The following CHD8 variants were observed in gnomAD, a reference collection of about 807,000 sequenced individuals.
CHD8 encodes ATP-dependent chromatin remodeler CHD8.
In CHD8, 31 loss-of-function variants were observed where a neutral mutation model predicts 279.2. The observed-to-expected ratio is 0.11, with a 90% CI of 0.08 to 0.15. The LOEUF (loss-of-function observed/expected upper bound fraction) is 0.15. Ranked by LOEUF, CHD8 falls within the 10% of genes least tolerant of loss-of-function variation. CHD8 has a pLI of 1.00. For synonymous variants in CHD8, 1,081 were observed against 1,139.6 expected (o/e 0.95, Z 1.04); for missense variants, 2,146 against 3,230.5 (o/e 0.66, Z 8.14).
intron 1 of CHD8, among the ~76,000 whole-genome samples, chr14:21,440,283 T>C (rs1274365988): frequency 2.0e-5 from 3 of 152,166 alleles, no homozygotes; most frequent in East Asian, 1.9e-4. Context: ...CTCGGCTCAC[T>C]GCAACCTCTG....
In CHD8 at chr14:21,405,886, G is replaced by T. The variant is rs1566425850; in HGVS notation, c.2908-22C>A. 1.3e-6 allele frequency: 2 copies of T among 1,591,722 alleles called. No individual in the cohort carries two copies. Among genetic ancestry groups the T allele is most frequent in the Non-Finnish European group, 1.7e-6 (2 of 1,170,666 alleles). ...GTTCCTAGAAATGGAGGAAACAAAA[G>T]AATAAAATTTAAAAACATGAAGGAC... On this transcript the variant is annotated intron_variant, in intron 14 of 37. Coordinates refer to ENST00000646647, the MANE Select transcript of CHD8 (RefSeq NM_001170629.2). This position sits in a 1 kb window ranked among gnomAD's most constrained non-coding sequence, Gnocchi z 4.2.
At chr14:21,393,422 G>A (rs1166456666) in intron 32 of CHD8, 54 bp downstream of exon 32, 5 of 1,503,540 alleles carry the variant, frequency 3.3e-6, no homozygotes, top group African/African-American at 2.8e-5. Flanking sequence ...AAAAGGGAAA[G>A]AGAAGAGAGG....
At chr14:21,410,244 T>G (rs867875153) in intron 10 of CHD8, among the ~76,000 whole-genome samples, 2 of 152,062 alleles carry the variant, frequency 1.3e-5, no homozygotes, top group South Asian at 4.2e-4. Flanking sequence ...CACTAAGCAC[T>G]AAAACATGCT....
At chr14:21,452,836 T>TACATTCCCTAAAAGGTTTC (rs1280980904) in intron 1 of CHD8, among the ~76,000 whole-genome samples, 1 of 150,968 alleles carries the variant, frequency 6.6e-6, no homozygotes, top group South Asian at 2.1e-4. Flanking sequence ...ATACAAAAAT[T>TACATTCCCTAAAAGGTTTC]AGCCGGGCAT....
chr14:21,416,661 C>T (rs1204098815), intron 5 of CHD8: 1 of 151,780 alleles, frequency 6.6e-6, no homozygotes, highest in Non-Finnish European at 1.5e-5. Flanking sequence ...CTCTGGAAAA[C>T]CTCAAAGGAT....
intron 4 of CHD8, chr14:21,426,835 T>C (rs1031337677): frequency 6.6e-6 from 1 of 152,360 alleles, no homozygotes; most frequent in African/African-American, 2.4e-5. Flanking sequence ...CACTTTTCTG[T>C]CAACACTGCT....
At position 21,408,682 on chromosome 14, in the gene CHD8, T is replaced by TA; in HGVS notation, c.2486+21dup. 6.2e-7 allele frequency: 1 copy of TA among 1,605,520 alleles called. No individual in the cohort carries two copies. The highest frequency in any genetic ancestry group is 8.5e-7 in the Non-Finnish European group (1 of 1,176,036). On this transcript the variant is annotated intron_variant, in intron 12 of 37. Coordinates refer to ENST00000646647, the MANE Select transcript of CHD8 (RefSeq NM_001170629.2). This position sits in a 1 kb window ranked among gnomAD's most constrained non-coding sequence, Gnocchi z 4.3. ...TAATCCCAGAACTAAGCTTACATCT[T>TA]ATGGCCCATTCTTTCCTTTACCTGT...
chr14:21,451,902 A>G (rs1890265788), intron 1 of CHD8, among the ~76,000 whole-genome samples: 1 of 152,242 alleles, frequency 6.6e-6, no homozygotes, highest in Non-Finnish European at 1.5e-5. Flanking sequence ...TAAAACATTA[A>G]GTAACTACAA....
At chr14:21,429,383 A>G (rs1454900715) in intron 2 of CHD8, 48 bp from the exon 3 acceptor site, 1 of 1,571,942 alleles carries the variant, frequency 6.4e-7, no homozygotes, top group South Asian at 1.1e-5. Flanking sequence ...AAAGAATGGT[A>G]TACTCTGAAA....
At chr14:21,395,146 G>A in intron 29 of CHD8, 27 bp from the exon 30 acceptor site, 2 of 1,604,222 alleles carry the variant, frequency 1.2e-6, no homozygotes, top group Non-Finnish European at 1.7e-6. Flanking sequence ...AGAATGAATA[G>A]GAAGTATAGC....
intron 1 of CHD8, among the ~76,000 whole-genome samples, chr14:21,441,661 G>A (rs1889967614): frequency 6.6e-6 from 1 of 151,786 alleles, no homozygotes; most frequent in Non-Finnish European, 1.5e-5. Flanking sequence ...GGCCAAGGCG[G>A]GCATATCACG....
chr14:21,428,935 T>C (rs763751685), intron 3 of CHD8, 29 bp downstream of exon 3: 197 of 1,610,784 alleles, frequency 1.2e-4, no homozygotes, highest in Non-Finnish European at 1.6e-4. Flanking sequence ...TTTGTTTTCT[T>C]TCTTTTCCTT....
chr14:21,386,209 A>G, intron 37 of CHD8, 33 bp from the exon 38 acceptor site: 1 of 1,518,736 alleles, frequency 6.6e-7, no homozygotes. Context: ...AATAAAAAGA[A>G]AGAAAGGGGA....
In CHD8 at chr14:21,402,564, G is replaced by A. The variant is rs993140249; in HGVS notation, c.3715-61C>T. The A allele has an allele frequency of 3.5e-6, 5 of 1,444,638 alleles. No homozygotes were observed. The highest frequency in any genetic ancestry group is 4.6e-6 in the Non-Finnish European group (5 of 1,077,442). 89.5% of individuals were successfully genotyped at this position (1,444,638 alleles called of 1,614,324 possible). A position where few individuals can be genotyped will look rare whatever the true frequency, so the allele number is the denominator to read the frequency against. On this transcript the variant is annotated intron_variant, in intron 18 of 37. Coordinates refer to ENST00000646647, the MANE Select transcript of CHD8 (RefSeq NM_001170629.2). The surrounding 1 kb of genome is among the most constrained non-coding windows in gnomAD (Gnocchi z 4.5). The stretch of plus-strand genomic sequence containing the variant: ...ATATCATAAAATTAGCAAGGGAAAG[G>A]ATACAAAATACCAATTTATGATTCT...
chr14:21,405,931 G>A lies in CHD8; in HGVS notation c.2908-67C>T, dbSNP rs1367215969. 2.3e-6 allele frequency: 3 copies of A among 1,282,736 alleles called. No homozygotes were observed. The highest frequency in any genetic ancestry group is 3.2e-6 in the Non-Finnish European group (3 of 924,404). The allele number at this position is 1,282,736 out of a possible 1,614,324, so 79.5% of individuals were successfully genotyped here. A position where few individuals can be genotyped will look rare whatever the true frequency, so the allele number is the denominator to read the frequency against. On this transcript the variant is annotated intron_variant, in intron 14 of 37. Transcript: ENST00000646647. This position sits in a 1 kb window ranked among gnomAD's most constrained non-coding sequence, Gnocchi z 4.2. ...AAGGACTTCTGGGGTTTCCTATCAA[G>A]TATATAATCTTTAACATATATAACC... is the stretch of plus-strand genomic sequence containing the variant.
intron 5 of CHD8, 131 bp from the exon 6 acceptor site, chr14:21,416,038 TAAG>T: frequency 1.4e-6 from 1 of 731,832 alleles, no homozygotes; most frequent in Non-Finnish European, 2.3e-6. Flanking sequence ...CAAAAGATGA[TAAG>T]GAGATTATCT....
At chr14:21,424,733 A>G (rs914793272) in intron 5 of CHD8, among the ~76,000 whole-genome samples, 2 of 152,220 alleles carry the variant, frequency 1.3e-5, no homozygotes, top group African/African-American at 4.8e-5. Context: ...GGCCTCCCAA[A>G]GTGCTGGGAT....
intron 2 of CHD8, 74 bp downstream of exon 2, chr14:21,430,727 T>C (rs1889530001): frequency 1.1e-6 from 1 of 900,728 alleles, no homozygotes; most frequent in Non-Finnish European, 1.7e-6. Context: ...AAAGCTCTCA[T>C]GTGCTCACTC....
chr14:21,405,733 C>T lies in CHD8; in HGVS notation c.3039G>A (p.Lys1013=). 1 of 1,613,762 alleles carries T rather than the reference C, an allele frequency of 6.2e-7. No individual in the cohort carries two copies. ...ATAGATTTCCTACCTGTTCCTCTGT[C>T]TTGAGATCCCCAAAGTCCTTGAGAA... ...SEFLKDFGDL[K]TEEQVQKLQA... Residue 1013 remains lysine, a synonymous_variant, in exon 15 of 38, where the codon AAG becomes AAA. Coordinates refer to ENST00000646647, the MANE Select transcript of CHD8 (RefSeq NM_001170629.2). The surrounding 1 kb of genome is among the most constrained non-coding windows in gnomAD (Gnocchi z 4.2).
Sources: allele counts gnomAD v4.1 joint callset (sites outside exome capture counted in the v4.1 genomes callset), GRCh38; gene constraint gnomAD v4.1.1; non-coding constraint Gnocchi (gnomAD v3.1); transcripts MANE v1.5; gene names NCBI Gene and HGNC (gene_info 2026-07-23, HGNC 2026-07-21).